KIAA0319: variants seen among roughly 807,000 people sequenced by gnomAD.
KIAA0319 encodes the protein KIAA0319.
Under a neutral mutation model 108.4 loss-of-function variants are expected in KIAA0319, and 83 were observed. The observed-to-expected ratio is 0.77, with a 90% CI of 0.64 to 0.92. The LOEUF (loss-of-function observed/expected upper bound fraction) is 0.92, where lower values mean the gene tolerates loss of function less well. Ranked by LOEUF, KIAA0319 falls within the 40% of genes least tolerant of loss-of-function variation. The pLI, the probability that KIAA0319 is intolerant of heterozygous loss-of-function variation, is 0.00. For synonymous variants in KIAA0319, 484 were observed against 510.4 expected (o/e 0.95, Z 0.70); for missense variants, 1,195 against 1,322.4 (o/e 0.90, Z 1.49).
chr6:24,560,338 C>T (rs1762942398), intron 16 of KIAA0319, among the ~76,000 whole-genome samples: 1 of 152,200 alleles, frequency 6.6e-6, no homozygotes, highest in Non-Finnish European at 1.5e-5. Flanking sequence ...ATAAATGTTC[C>T]AGTTTCTCCA....
At chr6:24,553,375 A>T (rs1442745619) in intron 19 of KIAA0319, among the ~76,000 whole-genome samples, 3 of 146,916 alleles carry the variant, frequency 2.0e-5, no homozygotes, top group Non-Finnish European at 3.0e-5. Flanking sequence ...GTATGTTTTC[A>T]TCACAGTTCC....
chr6:24,540,801 T>C (rs975524612), downstream of KIAA0319, among the ~76,000 whole-genome samples: 37 of 152,358 alleles, frequency 2.4e-4, no homozygotes, highest in African/African-American at 8.9e-4. Context: ...GCAAAGATAA[T>C]GCAGAGTCCC....
At chr6:24,596,991 C>T (rs560984083) in intron 2 of KIAA0319, among the ~76,000 whole-genome samples, 1 of 151,998 alleles carries the variant, frequency 6.6e-6, no homozygotes, top group Non-Finnish European at 1.5e-5. Context: ...ATCCATCCAT[C>T]CATCTTTCTA....
chr6:24,614,847 C>T (rs571636247), intron 1 of KIAA0319, among the ~76,000 whole-genome samples: 37 of 152,194 alleles, frequency 2.4e-4, no homozygotes, highest in Middle Eastern at 3.4e-3. Flanking sequence ...TGTCATTATC[C>T]TCTCTGCCAA....
At chr6:24,643,431 A>G (rs1012759309) in intron 1 of KIAA0319, among the ~76,000 whole-genome samples, 8 of 152,216 alleles carry the variant, frequency 5.3e-5, no homozygotes, top group African/African-American at 1.9e-4. Flanking sequence ...TCTATAAAAA[A>G]AATTTTAAAA....
chr6:24,560,770 C>A (rs1327038175), intron 16 of KIAA0319, among the ~76,000 whole-genome samples: 1 of 152,156 alleles, frequency 6.6e-6, no homozygotes, highest in Non-Finnish European at 1.5e-5. Context: ...TAGAAGAACA[C>A]CAGTCATATT....
intron 11 of KIAA0319, among the ~76,000 whole-genome samples, chr6:24,571,380 A>C (rs1461162928): frequency 1.4e-4 from 2 of 14,416 alleles, no homozygotes; most frequent in Non-Finnish European, 6.0e-4. Context: ...CTGTCTCACA[A>C]AAAAAAAAAA....
intron 1 of KIAA0319, among the ~76,000 whole-genome samples, chr6:24,638,620 C>T (rs537850627): frequency 4.0e-4 from 61 of 152,070 alleles, no homozygotes; most frequent in African/African-American, 1.3e-3. Flanking sequence ...ATTAACCAGG[C>T]GTGGTAGCGG....
chr6:24,582,609 T>C (rs1766760809), intron 5 of KIAA0319, among the ~76,000 whole-genome samples: 1 of 151,636 alleles, frequency 6.6e-6, no homozygotes, highest in African/African-American at 2.4e-5. Flanking sequence ...CATTTCTTTT[T>C]TTGTTATAAA....
At chr6:24,615,489 G>A (rs1446857131) in intron 1 of KIAA0319, among the ~76,000 whole-genome samples, 1 of 152,146 alleles carries the variant, frequency 6.6e-6, no homozygotes, top group Non-Finnish European at 1.5e-5. Context: ...GTGATTATGT[G>A]TGGAGGGGAA....
At chr6:24,582,457 A>G in intron 5 of KIAA0319, 111 bp from the exon 6 acceptor site, 3 of 523,674 alleles carry the variant, frequency 5.7e-6, no homozygotes, top group Non-Finnish European at 1.0e-5. Context: ...TACCTTAGAT[A>G]TACTCAACTC....
At chr6:24,595,150 G>A (rs1040042299) in intron 3 of KIAA0319, among the ~76,000 whole-genome samples, 2 of 152,184 alleles carry the variant, frequency 1.3e-5, no homozygotes, top group African/African-American at 2.4e-5. Flanking sequence ...AGCAGCCAAA[G>A]CACCTGTTGG....
intron 1 of KIAA0319, among the ~76,000 whole-genome samples, chr6:24,622,166 ACCT>A (rs776503134): frequency 2.2e-4 from 34 of 151,842 alleles, no homozygotes; most frequent in Middle Eastern, 3.4e-3. Context: ...CTGACCAGAC[ACCT>A]CCCACTCATG....
intron 16 of KIAA0319, among the ~76,000 whole-genome samples, chr6:24,559,958 T>C (rs915708626): frequency 6.6e-6 from 1 of 152,232 alleles, no homozygotes; most frequent in African/African-American, 2.4e-5. Flanking sequence ...TCATACAATA[T>C]GAGACCTTCT....
chr6:24,634,598 T>C (rs1775972254), intron 1 of KIAA0319, among the ~76,000 whole-genome samples: 1 of 152,202 alleles, frequency 6.6e-6, no homozygotes. Context: ...TGACACCGTG[T>C]TAGTCCCATG....
chr6:24,573,098 G>A (rs1180198913), intron 10 of KIAA0319, among the ~76,000 whole-genome samples: 1 of 152,188 alleles, frequency 6.6e-6, no homozygotes, highest in African/African-American at 2.4e-5. Context: ...CTGCAGCCTG[G>A]TTGACAGAAA....
At chr6:24,627,700 T>C (rs1175362083) in intron 1 of KIAA0319, among the ~76,000 whole-genome samples, 1 of 152,182 alleles carries the variant, frequency 6.6e-6, no homozygotes, top group Non-Finnish European at 1.5e-5. Flanking sequence ...AAAGTAACCT[T>C]TCCTACTCCG....
At chr6:24,645,469 G>T (rs2235676) in intron 1 of KIAA0319, among the ~76,000 whole-genome samples, 15,973 of 152,190 alleles carry the variant, frequency 0.1, 1,046 homozygotes, top group South Asian at 0.27. Flanking sequence ...TCTGAATGAA[G>T]TTTAAAGAAA....
intron 2 of KIAA0319, chr6:24,598,551 C>A (rs1359279867): frequency 4.7e-6 from 2 of 428,062 alleles, no homozygotes; most frequent in Non-Finnish European, 9.1e-6. Flanking sequence ...TGGTGGAGGA[C>A]TTCAAGAACA....
Sources: gnomAD v4.1 joint callset for allele counts (sites outside exome capture counted in the v4.1 genomes callset) on GRCh38, gnomAD v4.1.1 for gene constraint, MANE v1.5 for transcripts, NCBI Gene and HGNC (gene_info 2026-07-23, HGNC 2026-07-21) for gene names.